LRFN5: variants seen among roughly 807,000 people sequenced by gnomAD.
LRFN5 encodes leucine-rich repeat and fibronectin type-III domain-containing protein 5.
A neutral mutation model predicts 45.6 loss-of-function variants in LRFN5; 24 were observed. The ratio of observed to expected loss-of-function variants is 0.53; its 90% CI spans 0.38 to 0.74. The LOEUF (loss-of-function observed/expected upper bound fraction) is 0.74, where lower values mean the gene tolerates loss of function less well. Ranked by LOEUF, LRFN5 falls within the 30% of genes least tolerant of loss-of-function variation. The pLI is 0.00. For synonymous variants in LRFN5, 340 were observed against 313.8 expected, an observed-to-expected ratio of 1.08 and a Z score of -0.88; for missense variants, 776 against 861.5, an observed-to-expected ratio of 0.90 and a Z score of 1.24.
At chr14:41,856,675 A>ATTATTTT in intron 2 of LRFN5, among the ~76,000 whole-genome samples, 366 of 18,300 alleles carry the variant, frequency 0.02, 48 homozygotes, top group African/African-American at 0.044. Context: ...TATTATTATT[A>ATTATTTT]TTTTTTTTTT....
intron 1 of LRFN5, among the ~76,000 whole-genome samples, chr14:41,680,254 T>C (rs966942084): frequency 1.3e-5 from 2 of 152,162 alleles, no homozygotes; most frequent in African/African-American, 4.8e-5. Flanking sequence ...TAGAGACCTA[T>C]GGCCTTGAAC....
intron 1 of LRFN5, among the ~76,000 whole-genome samples, chr14:41,618,251 G>C (rs529908245): frequency 6.6e-6 from 1 of 152,184 alleles, no homozygotes; most frequent in African/African-American, 2.4e-5. Flanking sequence ...AATTCAAAAT[G>C]GCCGCAAATT....
At chr14:41,655,865 G>T (rs1279076059) in intron 1 of LRFN5, among the ~76,000 whole-genome samples, 1 of 151,990 alleles carries the variant, frequency 6.6e-6, no homozygotes, top group Non-Finnish European at 1.5e-5. Flanking sequence ...TTGAGATGAT[G>T]ATAAGGATTA....
At chr14:41,890,022 C>G (rs1890719854) in intron 3 of LRFN5, among the ~76,000 whole-genome samples, 1 of 152,074 alleles carries the variant, frequency 6.6e-6, no homozygotes, top group Admixed American at 6.5e-5. Flanking sequence ...CGCCACCACT[C>G]CCAGCTAATT....
At chr14:41,714,010 C>T (rs8015480) in intron 1 of LRFN5, among the ~76,000 whole-genome samples, 1 of 151,974 alleles carries the variant, frequency 6.6e-6, no homozygotes, top group Non-Finnish European at 1.5e-5. Context: ...TTTTAAAAGG[C>T]AATGTCATGC....
chr14:41,889,189 A>T (rs1476713705), intron 3 of LRFN5, among the ~76,000 whole-genome samples: 1 of 151,406 alleles, frequency 6.6e-6, no homozygotes, highest in Non-Finnish European at 1.5e-5. Context: ...CAGGTGAATT[A>T]TTCAATATAA....
intron 1 of LRFN5, among the ~76,000 whole-genome samples, chr14:41,679,119 C>G (rs1306904013): frequency 6.6e-6 from 1 of 152,096 alleles, no homozygotes; most frequent in African/African-American, 2.4e-5. Flanking sequence ...TCTGGCAAGC[C>G]CCACCACTGT....
At chr14:41,719,376 A>G (rs1883619805) in intron 1 of LRFN5, among the ~76,000 whole-genome samples, 1 of 152,126 alleles carries the variant, frequency 6.6e-6, no homozygotes, top group South Asian at 2.1e-4. Flanking sequence ...TATAAAAATG[A>G]TGACTACTGC....
At chr14:41,833,658 C>A (rs1405775802) in intron 2 of LRFN5, among the ~76,000 whole-genome samples, 1 of 152,182 alleles carries the variant, frequency 6.6e-6, no homozygotes, top group East Asian at 1.9e-4. Context: ...ATTTAGTGTA[C>A]CTCTCTGAAC....
rs1241844858 is a variant in LRFN5, at chr14:41,886,824, A to G, written c.199A>G (p.Lys67Glu). The change falls in exon 3 of 6, where the codon AAA becomes GAA. Residue 67 changes from lysine to glutamate, a missense_variant. Physicochemically the swap from Lys to Glu is moderately conservative, Grantham distance 56. Around this residue, in one of 2 missense-constraint regions of LRFN5, gnomAD observed 311 missense variants for 405.1 expected, o/e 0.77. Transcript: ENST00000298119. ...GGCAGACAATTTTGTTACAAATATTAAAAGGAAAGATTTTGCCAATATGAC... is the reference window on the plus strand; with the variant it reads ...GGCAGACAATTTTGTTACAAATATTGAAAGGAAAGATTTTGCCAATATGAC... Reference protein sequence around the residue: ...RLADNFVTNIKRKDFANMTSL... With the variant: ...RLADNFVTNIERKDFANMTSL... The G allele has an allele frequency of 5.0e-6, 8 of 1,613,968 alleles. No individual in the cohort carries two copies. Among genetic ancestry groups the G allele is most frequent in the Admixed American group, 1.7e-5 (1 of 59,990 alleles).
intron 2 of LRFN5, among the ~76,000 whole-genome samples, chr14:41,873,477 A>G (rs1890091571): frequency 6.6e-6 from 1 of 151,866 alleles, no homozygotes; most frequent in South Asian, 2.1e-4. Flanking sequence ...TCAGTGATAT[A>G]AAATCTTCCA....
At chr14:41,885,180 C>G (rs990927826) in intron 2 of LRFN5, among the ~76,000 whole-genome samples, 3 of 149,242 alleles carry the variant, frequency 2.0e-5, no homozygotes, top group African/African-American at 7.4e-5. Context: ...AAAAAATTAC[C>G]CTAGGGTGGT....
At chr14:41,792,442 G>A (rs1227750127) in intron 2 of LRFN5, among the ~76,000 whole-genome samples, 2 of 151,936 alleles carry the variant, frequency 1.3e-5, no homozygotes, top group Non-Finnish European at 2.9e-5. Context: ...TGAGGGTACT[G>A]CAGGAGACCA....
At chr14:41,883,732 A>G (rs1281247750) in intron 2 of LRFN5, among the ~76,000 whole-genome samples, 1 of 152,090 alleles carries the variant, frequency 6.6e-6, no homozygotes, top group Non-Finnish European at 1.5e-5. Flanking sequence ...CTATGCCTAC[A>G]TTTAAGATTA....
intron 1 of LRFN5, among the ~76,000 whole-genome samples, chr14:41,718,567 A>C (rs1883585834): frequency 6.6e-6 from 1 of 152,162 alleles, no homozygotes; most frequent in Non-Finnish European, 1.5e-5. Flanking sequence ...GAATTTACAT[A>C]TTTTGAATTC....
chr14:41,851,004 C>T (rs1034778147), intron 2 of LRFN5, among the ~76,000 whole-genome samples: 4 of 151,720 alleles, frequency 2.6e-5, no homozygotes, highest in East Asian at 3.9e-4. Flanking sequence ...TTAGTAATAA[C>T]GAATAAACTA....
intron 1 of LRFN5, among the ~76,000 whole-genome samples, chr14:41,695,454 T>C (rs191756835): frequency 2.6e-5 from 4 of 151,990 alleles, no homozygotes; most frequent in Admixed American, 6.6e-5. Context: ...ATCTAGGACT[T>C]TCATAGCTAA....
intron 2 of LRFN5, among the ~76,000 whole-genome samples, chr14:41,849,282 A>C (rs562733067): frequency 1.3e-3 from 203 of 152,130 alleles, no homozygotes; most frequent in African/African-American, 4.7e-3. Flanking sequence ...TCTACTTTTG[A>C]GAAGAAGATC....
At chr14:41,624,624 G>A (rs548645708) in intron 1 of LRFN5, among the ~76,000 whole-genome samples, 99 of 152,204 alleles carry the variant, frequency 6.5e-4, no homozygotes, top group African/African-American at 2.3e-3. Flanking sequence ...ACAGACTAAA[G>A]TAACATTTTG....
Sources: allele counts gnomAD v4.1 joint callset (sites outside exome capture counted in the v4.1 genomes callset), GRCh38; gene constraint gnomAD v4.1.1; regional missense constraint gnomAD v4.1.1; transcripts MANE v1.5; gene names NCBI Gene and HGNC (gene_info 2026-07-23, HGNC 2026-07-21).